The following GRAMD1B variants were observed in gnomAD, a reference collection of about 807,000 sequenced individuals.
GRAMD1B encodes protein Aster-B.
In GRAMD1B, 37 loss-of-function variants were observed where a neutral mutation model predicts 99.7. That is an observed-to-expected ratio of 0.37 (90% CI 0.29 to 0.49). The LOEUF (loss-of-function observed/expected upper bound fraction) is 0.49. Ranked by LOEUF, GRAMD1B falls within the 20% of genes least tolerant of loss-of-function variation. The pLI, the probability that GRAMD1B is intolerant of heterozygous loss-of-function variation, is 0.98. For synonymous variants in GRAMD1B, 427 were observed against 387.6 expected (o/e 1.10, Z -1.19); for missense variants, 888 against 1,009.2 (o/e 0.88, Z 1.63).
intron 2 of GRAMD1B, among the ~76,000 whole-genome samples, chr11:123,535,166 C>A (rs1943832350): frequency 1.3e-5 from 2 of 151,798 alleles, no homozygotes; most frequent in African/African-American, 4.8e-5. Context: ...GGGCTGAGAA[C>A]TGGAGTACAC....
At chr11:123,444,850 T>C (rs965263873) in intron 1 of GRAMD1B, among the ~76,000 whole-genome samples, 1 of 152,190 alleles carries the variant, frequency 6.6e-6, no homozygotes, top group Non-Finnish European at 1.5e-5. Flanking sequence ...TCTCTTTTCC[T>C]GGAAGTTTGT....
In GRAMD1B at chr11:123,626,507, A is replaced by T. The variant is rs996151496; in HGVS notation, c.*3912A>T. On this transcript the variant is annotated 3_prime_UTR_variant, in exon 20 of 20. Transcript: ENST00000635736. ...GGTACTTTCTGTGTCATACCATGCC[A>T]CTTCTTTAAGCTCTTCAGGGCAGCC... The T allele has an allele frequency of 1.3e-5, 2 of 151,972 alleles. No individual in the cohort carries two copies. The highest frequency in any genetic ancestry group is 4.8e-5 in the African/African-American group (2 of 41,360). 9.4% of individuals were successfully genotyped at this position (151,972 alleles called of 1,614,324 possible). A position where few individuals can be genotyped will look rare whatever the true frequency, so the allele number is the denominator to read the frequency against.
rs935369485 is a variant in GRAMD1B at position 123,510,068 on chromosome 11, C to G, written c.452+29175C>G. 3 of 152,418 alleles carry G rather than the reference C, an allele frequency of 2.0e-5. No individual in the cohort carries two copies. Among genetic ancestry groups the G allele is most frequent in the African/African-American group, 7.2e-5 (3 of 41,454 alleles). 9.4% of individuals were successfully genotyped at this position (152,418 alleles called of 1,614,324 possible). A position where few individuals can be genotyped will look rare whatever the true frequency, so the allele number is the denominator to read the frequency against. Reference sequence around the variant, plus strand: ...TGGCTTCACCGGGCGAATTTCTCTCCTTTTGCATTCTCCACCTTGCCGTGC... The same window carrying G: ...TGGCTTCACCGGGCGAATTTCTCTCGTTTTGCATTCTCCACCTTGCCGTGC... On this transcript the variant is annotated intron_variant, in intron 2 of 19. Coordinates refer to ENST00000635736, the MANE Select transcript of GRAMD1B (RefSeq NM_001387025.1). This position sits in a 1 kb window ranked among gnomAD's most constrained non-coding sequence, Gnocchi z 4.3.
At chr11:123,599,905 T>C (rs1178270163) in intron 7 of GRAMD1B, among the ~76,000 whole-genome samples, 1 of 152,226 alleles carries the variant, frequency 6.6e-6, no homozygotes, top group African/African-American at 2.4e-5. Context: ...TTAAGTGAAA[T>C]AGCATTTGTG....
chr11:123,516,733 CT>C lies in GRAMD1B; in HGVS notation c.452+35841del, dbSNP rs554403846. Among the ~76,000 whole-genome samples the C allele has an allele frequency of 6.1e-3, 923 of 152,254 alleles. 9 individuals are homozygous for C. Among genetic ancestry groups the C allele is most frequent in the African/African-American group, 0.021 (877 of 41,562 alleles). ...TTTTGGAAAACAGAGATATATCCTT[CT>C]GATTAGATAAGCGTCTCTTAGAGAC... On this transcript the variant is annotated intron_variant, in intron 2 of 19. Transcript: ENST00000635736.
At chr11:123,408,190 T>C (rs561375935) in intron 1 of GRAMD1B, among the ~76,000 whole-genome samples, 1 of 152,328 alleles carries the variant, frequency 6.6e-6, no homozygotes, top group East Asian at 1.9e-4. Context: ...ATAATCAGCT[T>C]TTGTGGACTT....
intron 1 of GRAMD1B, among the ~76,000 whole-genome samples, chr11:123,369,082 G>T (rs1342319482): frequency 6.6e-6 from 1 of 152,128 alleles, no homozygotes; most frequent in African/African-American, 2.4e-5. Flanking sequence ...GTCACTTGAG[G>T]CTGGGAGTTT....
At chr11:123,369,860 T>A (rs1946461572) in intron 1 of GRAMD1B, among the ~76,000 whole-genome samples, 2 of 149,158 alleles carry the variant, frequency 1.3e-5, no homozygotes, top group Non-Finnish European at 3.0e-5. Context: ...CACTCCAGCC[T>A]GGGCAACAGT....
intron 1 of GRAMD1B, among the ~76,000 whole-genome samples, chr11:123,417,035 G>A (rs567477891): frequency 1.9e-4 from 29 of 152,324 alleles, no homozygotes; most frequent in African/African-American, 6.5e-4. Flanking sequence ...AACTATCAAT[G>A]AAGTGCAAGG....
intron 1 of GRAMD1B, among the ~76,000 whole-genome samples, chr11:123,469,727 T>TC: frequency 3.5e-5 from 5 of 143,690 alleles, no homozygotes; most frequent in African/African-American, 1.3e-4. Flanking sequence ...TTCTTTCTTT[T>TC]TTTCTTTCTT....
upstream of GRAMD1B, among the ~76,000 whole-genome samples, chr11:123,427,939 G>C (rs752900082): frequency 2.4e-4 from 37 of 152,318 alleles, no homozygotes; most frequent in Non-Finnish European, 1.0e-4. Context: ...GAGGGTGCTG[G>C]TGGCTTTTCT....
Position 123,591,471 on chromosome 11 carries a change from T to A in GRAMD1B, c.685-2611T>A. ...GAGAGCCAGCTGCTGCAGTGGTACC[T>A]GAAGCAGCTTGGCCATGCACCTGCT... On this transcript the variant is annotated intron_variant, in intron 4 of 19. Coordinates refer to ENST00000635736, the MANE Select transcript of GRAMD1B (RefSeq NM_001387025.1). This position sits in a 1 kb window ranked among gnomAD's most constrained non-coding sequence, Gnocchi z 4.7. 1 of 399,018 alleles carries A rather than the reference T, an allele frequency of 2.5e-6. No individual in the cohort carries two copies. Among genetic ancestry groups the A allele is most frequent in the Non-Finnish European group, 4.4e-6 (1 of 226,070 alleles). The allele number at this position is 399,018 out of a possible 1,614,324, so 24.7% of individuals were successfully genotyped here.
At chr11:123,442,505 C>T (rs968196738) in intron 1 of GRAMD1B, among the ~76,000 whole-genome samples, 2 of 152,180 alleles carry the variant, frequency 1.3e-5, no homozygotes, top group African/African-American at 2.4e-5. Flanking sequence ...CGCGGTGGCT[C>T]ATGCCTATAA....
upstream of GRAMD1B, chr11:123,430,224 C>G (rs1948803819): frequency 1.3e-5 from 2 of 150,514 alleles, no homozygotes; most frequent in Admixed American, 1.3e-4. Context: ...CCCCGCTCCT[C>G]CTCCTCCTTT....
intron 2 of GRAMD1B, among the ~76,000 whole-genome samples, chr11:123,521,474 G>C (rs1337863868): frequency 6.6e-6 from 1 of 151,978 alleles, no homozygotes. Context: ...TTTTCTCTTA[G>C]AACAGCTTTG....
chr11:123,612,173 A>G (rs905117110), intron 14 of GRAMD1B, among the ~76,000 whole-genome samples: 4 of 151,790 alleles, frequency 2.6e-5, no homozygotes, highest in Admixed American at 6.6e-5. Context: ...TGCAGCCTCA[A>G]CCTCCACCTC....
chr11:123,527,376 G>A (rs1942899643), intron 2 of GRAMD1B, among the ~76,000 whole-genome samples: 1 of 152,176 alleles, frequency 6.6e-6, no homozygotes, highest in Non-Finnish European at 1.5e-5. Flanking sequence ...GGGCCCTTTA[G>A]TGGGTCTTGA....
intron 17 of GRAMD1B, chr11:123,618,337 C>G: frequency 1.2e-6 from 2 of 1,612,522 alleles, no homozygotes; most frequent in Non-Finnish European, 1.7e-6. Flanking sequence ...CTTCCTTGCT[C>G]CCATTAGGAT....
intron 2 of GRAMD1B, among the ~76,000 whole-genome samples, chr11:123,561,538 A>T (rs1946767595): frequency 6.6e-6 from 1 of 152,192 alleles, no homozygotes. Flanking sequence ...ACTCCCCCAC[A>T]CCTCCTTGCA....
Sources: gnomAD v4.1 joint callset for allele counts (sites outside exome capture counted in the v4.1 genomes callset) on GRCh38, gnomAD v4.1.1 for gene constraint, Gnocchi (gnomAD v3.1) non-coding constraint, MANE v1.5 for transcripts, NCBI Gene and HGNC (gene_info 2026-07-23, HGNC 2026-07-21) for gene names.